Variants in SP3 observed in about 807,000 individuals in gnomAD.
The protein encoded by SP3 is Sp3 transcription factor, also known as transcription factor Sp3.
Under a neutral mutation model 70.3 loss-of-function variants are expected in SP3, and 10 were observed. The ratio of observed to expected loss-of-function variants is 0.14; its 90% confidence interval spans 0.09 to 0.24. SP3 has a LOEUF of 0.24. SP3 is among the 10% of genes least tolerant of loss of function. SP3 has a pLI of 1.00. For missense variants in SP3, 825 were observed against 914.6 expected (o/e 0.90, Z 1.26); for synonymous variants, 402 against 333.5 (o/e 1.21, Z -2.24).
chr2:173,964,294 G>GGA (rs1452940765), intron 2 of SP3, 111 bp downstream of exon 2: 314 of 548,972 alleles, frequency 5.7e-4, no homozygotes, highest in Non-Finnish European at 8.9e-4. Context: ...GGGGAGTGGA[G>GGA]GGGAGGGGAG....
intron 4 of SP3, among the ~76,000 whole-genome samples, chr2:173,949,186 T>C (rs1690634529): frequency 1.3e-5 from 2 of 152,294 alleles, no homozygotes; most frequent in South Asian, 4.1e-4. Context: ...GGTTGGCCTT[T>C]TAGCAGTATT....
intron 1 of SP3, 200 bp from the exon 2 acceptor site, chr2:173,964,753 CCCT>C (rs1050310605): frequency 1.6e-3 from 667 of 420,430 alleles, no homozygotes; most frequent in East Asian, 1.9e-3. Context: ...CTGCCTGTAA[CCCT>C]CCTCCTCCTC....
Position 173,930,921 on chromosome 2 carries a change from TTAATA to T in SP3, c.1640-12141_1640-12137del, listed in dbSNP as rs534442341. Among the ~76,000 whole-genome samples, 507 of 152,286 alleles carry T rather than the reference TTAATA, an allele frequency of 3.3e-3. 1 individual carries two copies. The highest frequency in any genetic ancestry group is 5.2e-3 in the Non-Finnish European group (355 of 68,028). On this transcript the variant is annotated intron_variant, in intron 4 of 6. Transcript: ENST00000310015. ...GTAAAACTCAAAGGTAAAATTAACT[TTAATA>T]TATTTCATTTAACCTAATATAGACA...
At position 173,905,246 on chromosome 2, in the gene SP3, A is replaced by C. The variant is rs528992268; in HGVS notation, c.*4695T>G. ...AAAACACTTCACTACAGAAAAATGG[A>C]ATCTCCAGAGTTAAGGGGGGAGGAA... On this transcript the variant is annotated 3_prime_UTR_variant, in exon 7 of 7. Coordinates refer to ENST00000310015, the MANE Select transcript of SP3 (RefSeq NM_003111.5). Among the ~76,000 whole-genome samples, 3 of 152,310 alleles carry C rather than the reference A, an allele frequency of 2.0e-5. No individual in the cohort carries two copies. The highest frequency in any genetic ancestry group is 1.3e-4 in the Admixed American group (2 of 15,294).
chr2:173,954,856 C>T lies in SP3; in HGVS notation c.1639+17G>A, dbSNP rs769295937. On this transcript the variant is annotated intron_variant, in intron 4 of 6. Transcript: ENST00000310015. ...ATCACTGAACTTATTTATGGCATGA[C>T]ATAACTTAAGACTCACCTGCAGGAC... The T allele has an allele frequency of 3.8e-5, 61 of 1,600,092 alleles. No homozygotes were observed. Among genetic ancestry groups the T allele is most frequent in the Middle Eastern group, 1.7e-4 (1 of 6,028 alleles).
intron 4 of SP3, among the ~76,000 whole-genome samples, chr2:173,935,350 G>A (rs1406877089): frequency 6.6e-6 from 1 of 152,188 alleles, no homozygotes; most frequent in Non-Finnish European, 1.5e-5. Context: ...AGAACTGACA[G>A]ACAATCCATG....
chr2:173,944,610 C>T (rs1690479623), intron 4 of SP3, among the ~76,000 whole-genome samples: 2 of 152,182 alleles, frequency 1.3e-5, no homozygotes, highest in Admixed American at 1.3e-4. Flanking sequence ...TAATAAAGTT[C>T]TTCTCTTGGA....
At chr2:173,917,064 G>C (rs1375190724) in intron 5 of SP3, among the ~76,000 whole-genome samples, 1 of 151,970 alleles carries the variant, frequency 6.6e-6, no homozygotes. Context: ...ACTTGAAGAG[G>C]GGTGAGATTT....
At chr2:173,965,426 C>T (rs1047313230), upstream of SP3, 8 of 532,710 alleles carry the variant, frequency 1.5e-5, no homozygotes, top group African/African-American at 6.0e-5. Flanking sequence ...CCGCCGTGCT[C>T]TTTGTCGGCT....
At chr2:173,965,020 G>T in intron 1 of SP3, 145 bp downstream of exon 1, 1 of 1,049,732 alleles carries the variant, frequency 9.5e-7, no homozygotes, top group Non-Finnish European at 1.4e-6. Context: ...GGAGGGAGGC[G>T]CAGGGGAGTG....
At chr2:173,945,657 C>T (rs1008231744) in intron 4 of SP3, among the ~76,000 whole-genome samples, 2 of 152,194 alleles carry the variant, frequency 1.3e-5, no homozygotes, top group Admixed American at 6.5e-5. Flanking sequence ...CCACTGTACA[C>T]TACTTGTGAG....
intron 2 of SP3, 24 bp downstream of exon 2, chr2:173,964,381 G>A: frequency 1.4e-6 from 1 of 689,840 alleles, no homozygotes; most frequent in East Asian, 2.9e-5. Flanking sequence ...GGGGGAGCCG[G>A]GCCGGGGTTC....
At chr2:173,940,489 G>T (rs1390156849) in intron 4 of SP3, among the ~76,000 whole-genome samples, 1 of 152,162 alleles carries the variant, frequency 6.6e-6, no homozygotes, top group Non-Finnish European at 1.5e-5. Flanking sequence ...GCACCCGGGG[G>T]TGCAAGACCC....
intron 5 of SP3, chr2:173,914,958 G>C (rs1463591480): frequency 2.0e-5 from 3 of 152,062 alleles, no homozygotes; most frequent in African/African-American, 7.2e-5. Flanking sequence ...CAATTTCACA[G>C]AGAACCCAAT....
intron 3 of SP3, among the ~76,000 whole-genome samples, chr2:173,962,063 G>A (rs1009569035): frequency 5.3e-5 from 8 of 151,096 alleles, no homozygotes; most frequent in African/African-American, 1.9e-4. Flanking sequence ...TCATGTGGCA[G>A]AATATGTGTT....
rs1275170549 is a variant in SP3, at chr2:173,907,836, T to C, written c.*2105A>G. 2.0e-5 allele frequency: 3 copies of C among 152,116 alleles called. No homozygotes were observed. The highest frequency in any genetic ancestry group is 2.9e-5 in the Non-Finnish European group (2 of 67,962). The allele number at this position is 152,116 out of a possible 1,614,324, so 9.4% of individuals were successfully genotyped here. ...ATTGTAAATTCTAGTGGTTCCTTTA[T>C]ATTATTCCAAGTAGAACTTCCTATT... On this transcript the variant is annotated 3_prime_UTR_variant, in exon 7 of 7. Coordinates refer to ENST00000310015, the MANE Select transcript of SP3 (RefSeq NM_003111.5).
chr2:173,950,510 C>G (rs954103509), intron 4 of SP3, among the ~76,000 whole-genome samples: 6 of 152,008 alleles, frequency 3.9e-5, no homozygotes, highest in African/African-American at 1.4e-4. Flanking sequence ...AAGATGCCAT[C>G]TCTACAAAAA....
At chr2:173,945,090 A>C (rs1378272531) in intron 4 of SP3, among the ~76,000 whole-genome samples, 1 of 152,252 alleles carries the variant, frequency 6.6e-6, no homozygotes, top group Admixed American at 6.5e-5. Context: ...ACTAATGTTA[A>C]ATTAAATACA....
intron 4 of SP3, among the ~76,000 whole-genome samples, chr2:173,954,579 T>G (rs192309705): frequency 1.3e-3 from 200 of 152,274 alleles, no homozygotes; most frequent in South Asian, 7.3e-3. Flanking sequence ...AAATAAAAAT[T>G]TTATAATGCC....
Sources: gnomAD v4.1 joint callset for allele counts (sites outside exome capture counted in the v4.1 genomes callset) on GRCh38, gnomAD v4.1.1 for gene constraint, MANE v1.5 for transcripts, NCBI Gene and HGNC (gene_info 2026-07-23, HGNC 2026-07-21) for gene names.